CCDC171: variants seen among roughly 807,000 people sequenced by gnomAD.
The protein encoded by CCDC171 is coiled-coil domain containing 171, also known as coiled-coil domain-containing protein 171.
CCDC171 carries 177 observed loss-of-function variants against 168.2 expected under a neutral mutation model. The ratio of observed to expected loss-of-function variants is 1.05; its 90% confidence interval spans 0.93 to 1.19. The LOEUF (loss-of-function observed/expected upper bound fraction) is 1.19, where lower values mean the gene tolerates loss of function less well. CCDC171 is among the 50% of genes most tolerant of loss of function. CCDC171 has a pLI of 0.00. For missense variants in CCDC171, 1,991 were observed against 1,539.0 expected, an observed-to-expected ratio of 1.29 and a Z score of -4.91; for synonymous variants, 687 against 540.8, an observed-to-expected ratio of 1.27 and a Z score of -3.75.
chr9:15,888,326 G>A (rs1460505702), intron 24 of CCDC171, among the ~76,000 whole-genome samples: 1 of 151,562 alleles, frequency 6.6e-6, no homozygotes, highest in Non-Finnish European at 1.5e-5. Context: ...TGTTAAACAT[G>A]TGCCTTCAAA....
At chr9:16,044,453 A>G (rs1254035807) in intron 1 of CCDC171, among the ~76,000 whole-genome samples, 1 of 151,642 alleles carries the variant, frequency 6.6e-6, no homozygotes, top group Admixed American at 6.6e-5. Flanking sequence ...ATGGCTTGTC[A>G]AAGTGGACTT....
chr9:15,572,574 A>G (rs28517395), intron 3 of CCDC171, among the ~76,000 whole-genome samples: 5 of 152,236 alleles, frequency 3.3e-5, no homozygotes, highest in African/African-American at 9.6e-5. Flanking sequence ...GCTGTAATTT[A>G]TTGACAGTTA....
intron 21 of CCDC171, among the ~76,000 whole-genome samples, chr9:15,822,750 G>T (rs1273375713): frequency 6.6e-6 from 1 of 152,132 alleles, no homozygotes; most frequent in African/African-American, 2.4e-5. Context: ...CTGTAAACTA[G>T]TTCAACCATT....
intron 6 of CCDC171, among the ~76,000 whole-genome samples, chr9:15,611,692 T>C (rs2043709470): frequency 6.6e-6 from 1 of 152,154 alleles, no homozygotes; most frequent in Non-Finnish European, 1.5e-5. Flanking sequence ...GTTTGTAAAC[T>C]CCTTCCTTTT....
chr9:15,648,852 C>A (rs995678377), intron 7 of CCDC171, among the ~76,000 whole-genome samples: 1 of 152,156 alleles, frequency 6.6e-6, no homozygotes, highest in African/African-American at 2.4e-5. Flanking sequence ...AATGCCATCC[C>A]CATCAAGCTA....
chr9:15,768,872 G>C (rs2056869462), intron 18 of CCDC171, among the ~76,000 whole-genome samples: 1 of 152,140 alleles, frequency 6.6e-6, no homozygotes, highest in Non-Finnish European at 1.5e-5. Context: ...TTCATCCGCA[G>C]TATCAGCAGC....
At chr9:15,892,971 T>C (rs567065648) in intron 24 of CCDC171, among the ~76,000 whole-genome samples, 1 of 152,254 alleles carries the variant, frequency 6.6e-6, no homozygotes, top group East Asian at 1.9e-4. Context: ...AGAACCTGAA[T>C]AGCCAAGACA....
Position 15,845,043 on chromosome 9 carries a change from G to T in CCDC171, c.3268-1659G>T, listed in dbSNP as rs146396668. Among the ~76,000 whole-genome samples the T allele has an allele frequency of 5.8e-3, 884 of 152,170 alleles. 12 individuals are homozygous for T. Among genetic ancestry groups the T allele is most frequent in the African/African-American group, 0.021 (854 of 41,546 alleles). The stretch of plus-strand genomic sequence containing the variant: ...AACTCAAGCTTTATCCATAACTGGT[G>T]TTGGATCATTAGTTTGATCTTCATA... On this transcript the variant is annotated intron_variant, in intron 21 of 25. Coordinates refer to ENST00000380701, the MANE Select transcript of CCDC171 (RefSeq NM_173550.4).
At chr9:15,635,975 A>G (rs1024174404) in intron 7 of CCDC171, among the ~76,000 whole-genome samples, 2 of 152,000 alleles carry the variant, frequency 1.3e-5, no homozygotes, top group Non-Finnish European at 1.5e-5. Context: ...TTATATTACA[A>G]CCACTGTAGT....
intron 3 of CCDC171, among the ~76,000 whole-genome samples, chr9:16,009,102 A>T (rs182765388): frequency 6.6e-6 from 1 of 152,136 alleles, no homozygotes; most frequent in Non-Finnish European, 1.5e-5. Flanking sequence ...TACAGCAAGG[A>T]TGCTTTCTCT....
At chr9:15,658,456 A>G (rs901803402) in intron 8 of CCDC171, among the ~76,000 whole-genome samples, 6 of 152,338 alleles carry the variant, frequency 3.9e-5, no homozygotes, top group South Asian at 2.1e-4. Context: ...CTCCTGTGGC[A>G]GAATAACAGT....
Position 15,777,842 on chromosome 9 carries a change from C to T in CCDC171, c.2898+16C>T, listed in dbSNP as rs375014205. On this transcript the variant is annotated intron_variant, in intron 19 of 25. Coordinates refer to ENST00000380701, the MANE Select transcript of CCDC171 (RefSeq NM_173550.4). ...GCCCATTACGGTATGTATACACTTT[C>T]ATTTAGTAGTAACCTAAGAACTTGT... is the stretch of plus-strand genomic sequence containing the variant. 6.6e-7 allele frequency: 1 copy of T among 1,508,658 alleles called. No homozygotes were observed. Among genetic ancestry groups the T allele is most frequent in the Admixed American group, 2.1e-5 (1 of 46,628 alleles). 93.5% of individuals were successfully genotyped at this position (1,508,658 alleles called of 1,614,324 possible). A position where few individuals can be genotyped will look rare whatever the true frequency, so the allele number is the denominator to read the frequency against.
At chr9:15,633,311 C>CA (rs1181761961) in intron 7 of CCDC171, among the ~76,000 whole-genome samples, 6 of 151,982 alleles carry the variant, frequency 3.9e-5, no homozygotes, top group African/African-American at 1.4e-4. Context: ...ACAATGAACT[C>CA]AAACAAATTT....
At chr9:15,649,339 C>G (rs897735261) in intron 7 of CCDC171, among the ~76,000 whole-genome samples, 3 of 152,152 alleles carry the variant, frequency 2.0e-5, no homozygotes, top group African/African-American at 7.2e-5. Flanking sequence ...TAGGCATGGG[C>G]AAGGACTTCA....
intron 10 of CCDC171, among the ~76,000 whole-genome samples, chr9:15,692,579 G>A (rs1415805889): frequency 2.0e-5 from 3 of 149,522 alleles, no homozygotes; most frequent in African/African-American, 7.4e-5. Context: ...CCAGGCTGGA[G>A]TGCAGTGGCG....
intron 22 of CCDC171, 31 bp downstream of exon 22, chr9:15,846,878 A>G: frequency 6.4e-7 from 1 of 1,567,464 alleles, no homozygotes; most frequent in Non-Finnish European, 8.7e-7. Context: ...GAGATCACTT[A>G]AAACAGACAA....
intron 7 of CCDC171, among the ~76,000 whole-genome samples, chr9:15,644,023 T>C (rs1188146109): frequency 6.6e-6 from 1 of 152,206 alleles, no homozygotes; most frequent in African/African-American, 2.4e-5. Flanking sequence ...TTATAAAAAA[T>C]GGTGCTATAA....
At chr9:15,863,263 A>C (rs1356783573) in intron 23 of CCDC171, among the ~76,000 whole-genome samples, 1 of 151,972 alleles carries the variant, frequency 6.6e-6, no homozygotes, top group Non-Finnish European at 1.5e-5. Context: ...GATTACGATT[A>C]GAGAGTGTCT....
chr9:15,740,174 T>G (rs1386199574), intron 16 of CCDC171, among the ~76,000 whole-genome samples: 1 of 152,108 alleles, frequency 6.6e-6, no homozygotes, highest in East Asian at 1.9e-4. Context: ...GTGGTTTCAT[T>G]TTTTTTACAT....
Sources: gnomAD v4.1 joint callset for allele counts (sites outside exome capture counted in the v4.1 genomes callset) on GRCh38, gnomAD v4.1.1 for gene constraint, MANE v1.5 for transcripts, NCBI Gene and HGNC (gene_info 2026-07-23, HGNC 2026-07-21) for gene names.